DAAM2: variants seen among roughly 807,000 people sequenced by gnomAD.
The protein encoded by DAAM2 is disheveled-associated activator of morphogenesis 2.
A neutral mutation model predicts 120.7 loss-of-function variants in DAAM2; 39 were observed. The ratio of observed to expected loss-of-function variants is 0.32; its 90% CI spans 0.25 to 0.42. The LOEUF (loss-of-function observed/expected upper bound fraction) is 0.42. Among genes scored for constraint, DAAM2 ranks in the 10% least tolerant of loss-of-function variants. The probability of loss-of-function intolerance (pLI) is 1.00; values close to 1 mark genes in which losing one functional copy is unlikely to be tolerated. For missense variants in DAAM2, 1,283 were observed against 1,401.7 expected (o/e 0.92, Z 1.35); for synonymous variants, 488 against 524.9 (o/e 0.93, Z 0.96).
chr6:39,844,609 C>T (rs1014324297), intron 1 of DAAM2, among the ~76,000 whole-genome samples: 3 of 152,242 alleles, frequency 2.0e-5, no homozygotes, highest in East Asian at 3.9e-4. Flanking sequence ...TGAGTCTGTG[C>T]TCCCAGGCCA....
At chr6:39,868,668 T>C (rs962553807) in intron 6 of DAAM2, 155 bp from the exon 7 acceptor site, 25 of 610,854 alleles carry the variant, frequency 4.1e-5, no homozygotes, top group Non-Finnish European at 6.8e-5. Context: ...GAGGTGAGGT[T>C]TGGGGCAGCC....
chr6:39,899,243 T>C (rs73414838), intron 22 of DAAM2, among the ~76,000 whole-genome samples: 3,396 of 152,320 alleles, frequency 0.022, 135 homozygotes, highest in African/African-American at 0.077. Flanking sequence ...TCCTCATCCC[T>C]TGACTGCCAG....
At chr6:39,887,288 G>A (rs1765433275) in intron 15 of DAAM2, 198 bp from the exon 16 acceptor site, 2 of 530,966 alleles carry the variant, frequency 3.8e-6, no homozygotes, top group South Asian at 2.4e-5. Context: ...CCAACCCATT[G>A]GAGCCTATGG....
chr6:39,832,584 T>C (rs6917582), intron 1 of DAAM2, among the ~76,000 whole-genome samples: 14,229 of 152,168 alleles, frequency 0.094, 1,331 homozygotes, highest in East Asian at 0.32. Flanking sequence ...AAAATAAAGG[T>C]ACTTTAGTCT....
At position 39,888,895 on chromosome 6, in the gene DAAM2, T is replaced by C. The variant is rs1765530881; in HGVS notation, c.2145+132T>C. 8 of 556,830 alleles carry C rather than the reference T, an allele frequency of 1.4e-5. No individual in the cohort carries two copies. In the East Asian group the frequency reaches 2.1e-4, roughly 15 times the overall value. 34.5% of individuals were successfully genotyped at this position (556,830 alleles called of 1,614,324 possible). On this transcript the variant is annotated intron_variant, in intron 17 of 24. Coordinates refer to ENST00000274867, the MANE Select transcript of DAAM2 (RefSeq NM_001201427.2). ...CTGGAAGAGTTAGGGAGAAGGTTTA[T>C]AGAAGCCTCCCTGGGCCAGCCTTTC... is the stretch of plus-strand genomic sequence containing the variant.
intron 19 of DAAM2, among the ~76,000 whole-genome samples, chr6:39,892,684 G>T (rs963089499): frequency 1.2e-4 from 18 of 152,268 alleles, no homozygotes; most frequent in African/African-American, 3.9e-4. Flanking sequence ...TACCAGGCTG[G>T]GGGCAGAACA....
chr6:39,880,378 C>A (rs1765064867), intron 14 of DAAM2, among the ~76,000 whole-genome samples: 1 of 152,114 alleles, frequency 6.6e-6, no homozygotes, highest in African/African-American at 2.4e-5. Context: ...TGCAAGATTG[C>A]TAAGTAGGTG....
At chr6:39,794,457 T>C (rs1207135756) in intron 1 of DAAM2, among the ~76,000 whole-genome samples, 1 of 152,172 alleles carries the variant, frequency 6.6e-6, no homozygotes, top group Non-Finnish European at 1.5e-5. Context: ...GCTGAGGGAA[T>C]ACTCGTGCCC....
intron 2 of DAAM2, among the ~76,000 whole-genome samples, chr6:39,857,916 G>C (rs1346530938): frequency 1.3e-5 from 2 of 152,040 alleles, no homozygotes; most frequent in Non-Finnish European, 2.9e-5. Context: ...ATTTTGAGGA[G>C]CAGTGACAAG....
intron 1 of DAAM2, among the ~76,000 whole-genome samples, chr6:39,841,348 G>C (rs1004004167): frequency 4.2e-5 from 6 of 141,736 alleles, no homozygotes; most frequent in Non-Finnish European, 9.2e-5. Flanking sequence ...CAGGGGGAGA[G>C]GCTCCAGGGG....
chr6:39,864,930 G>A (rs766276356), intron 4 of DAAM2, 50 bp from the exon 5 acceptor site: 4 of 1,562,010 alleles, frequency 2.6e-6, no homozygotes, highest in Non-Finnish European at 3.5e-6. Flanking sequence ...CTGAGCTGTA[G>A]TGCAGAGGGT....
chr6:39,818,372 G>A (rs1037847860), intron 1 of DAAM2, among the ~76,000 whole-genome samples: 1 of 152,026 alleles, frequency 6.6e-6, no homozygotes, highest in African/African-American at 2.4e-5. Context: ...TGTAATCGGG[G>A]GTGGGGACCA....
At chr6:39,821,971 G>T (rs1762503989) in intron 1 of DAAM2, 2 of 152,418 alleles carry the variant, frequency 1.3e-5, no homozygotes, top group Admixed American at 1.3e-4. Context: ...TCCTTGGATT[G>T]AGGCAGCTGC....
chr6:39,804,522 C>G (rs1361505570), intron 1 of DAAM2, among the ~76,000 whole-genome samples: 1 of 149,346 alleles, frequency 6.7e-6, no homozygotes, highest in Non-Finnish European at 1.5e-5. Context: ...GAGATCAGTT[C>G]TGTGTGTGTG....
intron 19 of DAAM2, 111 bp downstream of exon 19, chr6:39,891,833 C>G: frequency 1.3e-6 from 1 of 748,360 alleles, no homozygotes; most frequent in Non-Finnish European, 2.2e-6. Context: ...ATTCTCAACC[C>G]AAAAACAAAA....
intron 1 of DAAM2, among the ~76,000 whole-genome samples, chr6:39,840,491 G>A (rs879827230): frequency 2.0e-5 from 3 of 152,224 alleles, no homozygotes; most frequent in Non-Finnish European, 2.9e-5. Flanking sequence ...GAAGTTCGGG[G>A]TGGTCCGAAG....
At chr6:39,816,116 A>G (rs984761903) in intron 1 of DAAM2, among the ~76,000 whole-genome samples, 3 of 152,186 alleles carry the variant, frequency 2.0e-5, no homozygotes, top group South Asian at 2.1e-4. Context: ...GTTTTTCTCT[A>G]TAGGTATATG....
chr6:39,867,142 C>T (rs2149306204), intron 5 of DAAM2, among the ~76,000 whole-genome samples: 1 of 152,320 alleles, frequency 6.6e-6, no homozygotes, highest in South Asian at 2.1e-4. Context: ...TGATGGCTTT[C>T]CTATCTGGAA....
chr6:39,868,623 C>T (rs1014214667), intron 6 of DAAM2, 200 bp from the exon 7 acceptor site: 8 of 575,168 alleles, frequency 1.4e-5, no homozygotes, highest in East Asian at 2.9e-5. Context: ...GGCAGCACTG[C>T]CACTGAGGTG....
Sources: gnomAD v4.1 joint callset for allele counts (sites outside exome capture counted in the v4.1 genomes callset) on GRCh38, gnomAD v4.1.1 for gene constraint, MANE v1.5 for transcripts, NCBI Gene and HGNC (gene_info 2026-07-23, HGNC 2026-07-21) for gene names.